AUTS2: variants seen among roughly 807,000 people sequenced by gnomAD.
AUTS2 encodes the protein activator of transcription and developmental regulator AUTS2, also known as autism susceptibility gene 2 protein.
In AUTS2, 17 loss-of-function variants were observed where a neutral mutation model predicts 112.4. The ratio of observed to expected loss-of-function variants is 0.15; its 90% confidence interval spans 0.10 to 0.23. AUTS2 has a LOEUF of 0.23. Ranked by LOEUF, AUTS2 falls within the 10% of genes least tolerant of loss-of-function variation. The probability of loss-of-function intolerance (pLI) is 1.00; values close to 1 mark genes in which losing one functional copy is unlikely to be tolerated. For missense variants in AUTS2, 1,510 were observed against 1,701.6 expected, an observed-to-expected ratio of 0.89 and a Z score of 1.98; for synonymous variants, 751 against 702.7, an observed-to-expected ratio of 1.07 and a Z score of -1.09.
rs113601720 is a variant in AUTS2, at chr7:70,734,211, G to A, written c.743-28659G>A. Among the ~76,000 whole-genome samples the A allele has an allele frequency of 4.4e-3, 668 of 151,946 alleles. 4 individuals are homozygous for A. Among genetic ancestry groups the A allele is most frequent in the Non-Finnish European group, 6.9e-3 (470 of 67,956 alleles). On this transcript the variant is annotated intron_variant, in intron 6 of 18. Transcript: ENST00000342771. ...TCCCAGCACTTTGGGAGGCCGAGGC[G>A]GGCGGATCACGAGGTCAGGAGATCA...
At chr7:69,723,187 G>A (rs1799057311) in intron 1 of AUTS2, among the ~76,000 whole-genome samples, 1 of 151,944 alleles carries the variant, frequency 6.6e-6, no homozygotes, top group Non-Finnish European at 1.5e-5. Flanking sequence ...TCCCACTTTA[G>A]CCTTGATCAT....
At chr7:69,655,668 G>C (rs1339507473) in intron 1 of AUTS2, among the ~76,000 whole-genome samples, 2 of 152,192 alleles carry the variant, frequency 1.3e-5, no homozygotes, top group African/African-American at 2.4e-5. Context: ...GCCCCACCCA[G>C]AGATGAGCTT....
chr7:70,031,100 C>T (rs1800758171), intron 2 of AUTS2, among the ~76,000 whole-genome samples: 1 of 152,140 alleles, frequency 6.6e-6, no homozygotes, highest in Non-Finnish European at 1.5e-5. Flanking sequence ...GACATGTTTC[C>T]TGTCGCTCTC....
At chr7:69,907,128 A>G (rs1038475931) in intron 2 of AUTS2, among the ~76,000 whole-genome samples, 1 of 152,116 alleles carries the variant, frequency 6.6e-6, no homozygotes, top group Non-Finnish European at 1.5e-5. Context: ...ACCACACAAA[A>G]CACCTATTTG....
At chr7:69,704,155 C>CCTGCTGTT (rs1562822879) in intron 1 of AUTS2, among the ~76,000 whole-genome samples, 2 of 152,152 alleles carry the variant, frequency 1.3e-5, no homozygotes, top group African/African-American at 2.4e-5. Context: ...TTCAGAAATC[C>CCTGCTGTT]CAAACTCTGC....
Position 70,134,418 on chromosome 7 carries a change from A to G in AUTS2, c.625-118A>G, listed in dbSNP as rs546153144. On this transcript the variant is annotated intron_variant, in intron 3 of 18. Transcript: ENST00000342771. ...TAGCAGATGACAAGGGGCAGCATACACTGGTGATGTGATGTGGTGATGAAA... is the reference window on the plus strand; with the variant it reads ...TAGCAGATGACAAGGGGCAGCATACGCTGGTGATGTGATGTGGTGATGAAA... The G allele has an allele frequency of 3.2e-5, 26 of 801,142 alleles. No homozygotes were observed. The South Asian group carries it at 3.9e-4, about 12-fold the overall frequency. 49.6% of individuals were successfully genotyped at this position (801,142 alleles called of 1,614,324 possible).
At chr7:70,584,849 T>C (rs1802610552) in intron 5 of AUTS2, among the ~76,000 whole-genome samples, 1 of 152,244 alleles carries the variant, frequency 6.6e-6, no homozygotes, top group African/African-American at 2.4e-5. Context: ...TCTGGCTCTG[T>C]CTTCATTCCA....
At chr7:70,663,446 C>G (rs1807176796) in intron 5 of AUTS2, among the ~76,000 whole-genome samples, 1 of 152,126 alleles carries the variant, frequency 6.6e-6, no homozygotes, top group African/African-American at 2.4e-5. Context: ...CAAGTGGAGC[C>G]CCACAGGAAG....
intron 4 of AUTS2, among the ~76,000 whole-genome samples, chr7:70,306,949 T>G (rs2129614584): frequency 6.6e-6 from 1 of 152,310 alleles, no homozygotes; most frequent in Non-Finnish European, 1.5e-5. Context: ...AATTATTGCT[T>G]TCTTTTTTTT....
At chr7:70,575,150 C>G (rs996657655) in intron 5 of AUTS2, among the ~76,000 whole-genome samples, 1 of 152,202 alleles carries the variant, frequency 6.6e-6, no homozygotes, top group Non-Finnish European at 1.5e-5. Flanking sequence ...TGAGTGGTCT[C>G]CAGTTGGAGT....
chr7:70,485,989 AAAATAAATAAATAATAAAT>A (rs1797978861), intron 5 of AUTS2, among the ~76,000 whole-genome samples: 1 of 145,668 alleles, frequency 6.9e-6, no homozygotes, highest in South Asian at 2.2e-4. Flanking sequence ...CCTTAATTAA[AAAATAAATAAATAATAAAT>A]AAATAAATAA....
chr7:69,827,619 G>A (rs377568083), intron 1 of AUTS2, among the ~76,000 whole-genome samples: 1 of 152,066 alleles, frequency 6.6e-6, no homozygotes, highest in Admixed American at 6.5e-5. Flanking sequence ...GTGGAGAAAA[G>A]CACTCCTTCC....
intron 2 of AUTS2, among the ~76,000 whole-genome samples, chr7:69,997,182 G>A (rs906539341): frequency 2.0e-5 from 3 of 152,132 alleles, no homozygotes; most frequent in Non-Finnish European, 4.4e-5. Context: ...AGGCACAGCT[G>A]GCATTATCCC....
intron 5 of AUTS2, among the ~76,000 whole-genome samples, chr7:70,653,080 C>T (rs796427341): frequency 3.9e-5 from 6 of 152,188 alleles, no homozygotes; most frequent in African/African-American, 1.4e-4. Context: ...CATAGGAAGA[C>T]TCTATCTCTA....
rs185887412 is a variant in AUTS2 at position 70,336,565 on chromosome 7, A to G, written c.661-99187A>G. Among the ~76,000 whole-genome samples, 15 of 152,240 alleles carry G rather than the reference A, an allele frequency of 9.9e-5. No individual in the cohort carries two copies. In the East Asian group the frequency reaches 2.9e-3, roughly 29 times the overall value. ...AGTGAGTTTAGTGCTTTCTACTTTT[A>G]GCTTTATGTTTTGCACTATTTTTGA... On this transcript the variant is annotated intron_variant, in intron 4 of 18. Coordinates refer to ENST00000342771, the MANE Select transcript of AUTS2 (RefSeq NM_015570.4).
intron 5 of AUTS2, among the ~76,000 whole-genome samples, chr7:70,589,033 C>T (rs375631381): frequency 6.6e-6 from 1 of 152,200 alleles, no homozygotes; most frequent in South Asian, 2.1e-4. Flanking sequence ...TACTTTGAAA[C>T]ATTTGTTGGA....
chr7:70,296,169 G>A (rs1788925087), intron 4 of AUTS2, among the ~76,000 whole-genome samples: 1 of 152,120 alleles, frequency 6.6e-6, no homozygotes, highest in East Asian at 1.9e-4. Context: ...TTAGGCCTTT[G>A]GTATTCCTGT....
chr7:70,705,661 C>G (rs1050496058), intron 6 of AUTS2, among the ~76,000 whole-genome samples: 3 of 152,176 alleles, frequency 2.0e-5, no homozygotes, highest in African/African-American at 7.2e-5. Flanking sequence ...AGACTTGACT[C>G]TTGTCATTAG....
intron 1 of AUTS2, among the ~76,000 whole-genome samples, chr7:69,773,641 A>G (rs913553330): frequency 1.3e-5 from 2 of 152,148 alleles, no homozygotes; most frequent in African/African-American, 4.8e-5. Flanking sequence ...TGCAGAGTTG[A>G]TCTTCCACAC....
Sources: allele counts gnomAD v4.1 joint callset (sites outside exome capture counted in the v4.1 genomes callset), GRCh38; gene constraint gnomAD v4.1.1; transcripts MANE v1.5; gene names NCBI Gene and HGNC (gene_info 2026-07-23, HGNC 2026-07-21).